The following PRKCE variants were observed in gnomAD, a reference collection of about 807,000 sequenced individuals.
PRKCE encodes protein kinase C epsilon type.
A neutral mutation model predicts 85.4 loss-of-function variants in PRKCE; 16 were observed. The ratio of observed to expected loss-of-function variants is 0.19; its 90% CI spans 0.13 to 0.28. The LOEUF (loss-of-function observed/expected upper bound fraction) is 0.28. Ranked by LOEUF, PRKCE falls within the 10% of genes least tolerant of loss-of-function variation. PRKCE has a pLI of 1.00. For synonymous variants in PRKCE, 388 were observed against 371.5 expected, an observed-to-expected ratio of 1.04 and a Z score of -0.51; for missense variants, 573 against 975.2, an observed-to-expected ratio of 0.59 and a Z score of 5.49.
At position 46,023,642 on chromosome 2, in the gene PRKCE, TG is replaced by T. The variant is rs1300665512; in HGVS notation, c.1437+13128del. Among the ~76,000 whole-genome samples the T allele has an allele frequency of 3.9e-5, 6 of 152,344 alleles. No homozygotes were observed. In the East Asian group the frequency reaches 1.2e-3, roughly 29 times the overall value. On this transcript the variant is annotated intron_variant, in intron 10 of 14. Coordinates refer to ENST00000306156, the MANE Select transcript of PRKCE (RefSeq NM_005400.3). Reference sequence around the variant, plus strand: ...CCACAAGATTCCAGTGAATTCCTGCTGGGCCCTTTGTCTCCTTCCTGTCACT... The same window carrying T: ...CCACAAGATTCCAGTGAATTCCTGCTGGCCCTTTGTCTCCTTCCTGTCACT...
chr2:46,152,397 G>C (rs1558507433), intron 13 of PRKCE, among the ~76,000 whole-genome samples: 1 of 151,832 alleles, frequency 6.6e-6, no homozygotes, highest in Non-Finnish European at 1.5e-5. Context: ...GGCCAGGCTG[G>C]CCTTGAACTC....
In PRKCE at chr2:46,184,462, C is replaced by T. The variant is rs1010356189; in HGVS notation, c.2068-273C>T. Reference sequence around the variant, plus strand: ...ACACACACACACACACACACACACACGTCTGTGGGAATCCCACTTCCCTGC... The same window carrying T: ...ACACACACACACACACACACACACATGTCTGTGGGAATCCCACTTCCCTGC... On this transcript the variant is annotated intron_variant, in intron 14 of 14. Transcript: ENST00000306156. The surrounding 1 kb of genome is among the most constrained non-coding windows in gnomAD (Gnocchi z 5.0). Among the ~76,000 whole-genome samples, 6 of 151,432 alleles carry T rather than the reference C, an allele frequency of 4.0e-5. 1 individual carries two copies. The South Asian group carries it at 1.3e-3, about 32-fold the overall frequency.
intron 10 of PRKCE, among the ~76,000 whole-genome samples, chr2:46,074,439 A>AG (rs972421051): frequency 6.6e-6 from 1 of 151,390 alleles, no homozygotes; most frequent in Non-Finnish European, 1.5e-5. Flanking sequence ...CAAAAAAAAA[A>AG]AAAAAAAAAG....
At chr2:45,793,027 G>T (rs757255341) in intron 1 of PRKCE, among the ~76,000 whole-genome samples, 1 of 152,210 alleles carries the variant, frequency 6.6e-6, no homozygotes, top group Admixed American at 6.5e-5. Context: ...TCAAACTCCT[G>T]ACCTCAGGTG....
At chr2:45,729,488 C>G (rs1487916034) in intron 1 of PRKCE, among the ~76,000 whole-genome samples, 1 of 152,136 alleles carries the variant, frequency 6.6e-6, no homozygotes, top group African/African-American at 2.4e-5. Context: ...CTATGTGTCC[C>G]CCTTCATTAC....
intron 6 of PRKCE, among the ~76,000 whole-genome samples, chr2:45,986,656 G>A (rs1327823002): frequency 1.3e-5 from 2 of 152,202 alleles, no homozygotes; most frequent in Non-Finnish European, 2.9e-5. Context: ...GGAGAAGTGG[G>A]GGTGTGAGAG....
At chr2:46,151,280 TAC>T (rs35676949) in intron 13 of PRKCE, 51 bp downstream of exon 13, 38,961 of 555,364 alleles carry the variant, frequency 0.07, 528 homozygotes, top group Admixed American at 0.13. Context: ...CTCCTCCCCC[TAC>T]ACACACACAC....
chr2:45,663,433 C>T (rs931621434), intron 1 of PRKCE, among the ~76,000 whole-genome samples: 2 of 151,912 alleles, frequency 1.3e-5, no homozygotes, highest in African/African-American at 4.9e-5. Flanking sequence ...TATTTTGAGC[C>T]AGGCCTTGAG....
intron 1 of PRKCE, among the ~76,000 whole-genome samples, chr2:45,704,729 C>A (rs551607738): frequency 2.2e-4 from 33 of 152,298 alleles, no homozygotes; most frequent in African/African-American, 7.2e-4. Flanking sequence ...TCTCTTCCTT[C>A]CCCCTCTAGT....
chr2:46,026,495 G>C (rs1707120325), intron 10 of PRKCE, among the ~76,000 whole-genome samples: 1 of 152,178 alleles, frequency 6.6e-6, no homozygotes, highest in African/African-American at 2.4e-5. Flanking sequence ...GCATTTCTCT[G>C]ATCTTTAATT....
chr2:45,758,138 C>T (rs775481695), intron 1 of PRKCE, among the ~76,000 whole-genome samples: 4 of 152,168 alleles, frequency 2.6e-5, no homozygotes, highest in Non-Finnish European at 5.9e-5. Flanking sequence ...GACAGATTGC[C>T]TCTCTATGCA....
chr2:45,991,621 C>T (rs1181904086), intron 6 of PRKCE, among the ~76,000 whole-genome samples: 1 of 152,108 alleles, frequency 6.6e-6, no homozygotes, highest in East Asian at 1.9e-4. Context: ...TGTGTGTTGT[C>T]GCCATTTTAA....
intron 1 of PRKCE, among the ~76,000 whole-genome samples, chr2:45,689,252 TA>T (rs1455507409): frequency 1.2e-4 from 19 of 152,324 alleles, no homozygotes; most frequent in Admixed American, 1.2e-3. Flanking sequence ...ATAAGTGAGA[TA>T]AAGAACAGTG....
intron 12 of PRKCE, among the ~76,000 whole-genome samples, chr2:46,149,861 T>A (rs1321835735): frequency 1.1e-5 from 1 of 90,772 alleles, no homozygotes; most frequent in Non-Finnish European, 2.8e-5. Context: ...GAAAAGATCC[T>A]TTTTTTTTTT....
At chr2:46,048,157 G>T (rs1441729191) in intron 10 of PRKCE, among the ~76,000 whole-genome samples, 1 of 152,056 alleles carries the variant, frequency 6.6e-6, no homozygotes, top group African/African-American at 2.4e-5. Flanking sequence ...TTGCTTATGG[G>T]CACTTAGGGG....
intron 1 of PRKCE, chr2:45,677,708 A>AG (rs1676587308): frequency 5.0e-6 from 1 of 201,832 alleles, no homozygotes; most frequent in African/African-American, 2.4e-5. Flanking sequence ...TTAGAACATT[A>AG]GGAAACTGCT....
At chr2:45,870,522 TTTG>T (rs1444330398) in intron 2 of PRKCE, among the ~76,000 whole-genome samples, 12 of 152,278 alleles carry the variant, frequency 7.9e-5, no homozygotes, top group Middle Eastern at 6.8e-3. Context: ...ATTCAGGGGT[TTTG>T]TTGTTGTTAT....
intron 1 of PRKCE, among the ~76,000 whole-genome samples, chr2:45,662,732 C>G (rs771134652): frequency 1.3e-5 from 2 of 151,120 alleles, no homozygotes; most frequent in Admixed American, 1.3e-4. Context: ...TTGTTGTGAT[C>G]GAAATCACAA....
chr2:45,678,578 T>C (rs1474347354), intron 1 of PRKCE, among the ~76,000 whole-genome samples: 1 of 152,226 alleles, frequency 6.6e-6, no homozygotes, highest in Non-Finnish European at 1.5e-5. Context: ...GGACATTTTA[T>C]AGATAAGAGG....
Sources: gnomAD v4.1 joint callset for allele counts (sites outside exome capture counted in the v4.1 genomes callset) on GRCh38, gnomAD v4.1.1 for gene constraint, Gnocchi (gnomAD v3.1) non-coding constraint, MANE v1.5 for transcripts, NCBI Gene and HGNC (gene_info 2026-07-23, HGNC 2026-07-21) for gene names.